SUGCT: variants seen among roughly 807,000 people sequenced by gnomAD.
SUGCT encodes succinyl-CoA:glutarate-CoA transferase.
A neutral mutation model predicts 55.0 loss-of-function variants in SUGCT; 41 were observed. The ratio of observed to expected loss-of-function variants is 0.74; its 90% CI spans 0.58 to 0.97. The LOEUF is 0.97. SUGCT is among the 50% of genes least tolerant of loss of function. The probability of loss-of-function intolerance (pLI) is 0.00; values close to 1 mark genes in which losing one functional copy is unlikely to be tolerated. For missense variants in SUGCT, 568 were observed against 547.8 expected (o/e 1.04, Z -0.37); for synonymous variants, 187 against 200.4 (o/e 0.93, Z 0.56).
At chr7:40,626,204 A>C (rs1011209662) in intron 12 of SUGCT, among the ~76,000 whole-genome samples, 3 of 148,118 alleles carry the variant, frequency 2.0e-5, no homozygotes, top group African/African-American at 7.5e-5. Flanking sequence ...CTTCCCCCAG[A>C]CTCTGTGTTA....
At chr7:40,975,012 A>T in the SUGCT span, among the ~76,000 whole-genome samples, 11 of 152,332 alleles carry the variant, frequency 7.2e-5, no homozygotes, top group African/African-American at 2.6e-4. Context: ...CTGGCGCAGT[A>T]GGTGGTCAAT....
intron 9 of SUGCT, among the ~76,000 whole-genome samples, chr7:40,361,453 A>T (rs186016307): frequency 5.7e-4 from 87 of 152,204 alleles, no homozygotes; most frequent in African/African-American, 1.5e-3. Flanking sequence ...GGGCACCTGT[A>T]GTCCCAGCTA....
the SUGCT span, among the ~76,000 whole-genome samples, chr7:40,917,205 A>C: frequency 6.6e-6 from 1 of 152,220 alleles, no homozygotes; most frequent in Admixed American, 6.5e-5. Flanking sequence ...AACTCTAGTA[A>C]ACTTTTTTTG....
intron 8 of SUGCT, among the ~76,000 whole-genome samples, chr7:40,288,300 A>G (rs1245697839): frequency 3.3e-5 from 5 of 152,086 alleles, no homozygotes; most frequent in Non-Finnish European, 7.4e-5. Flanking sequence ...CTTAAAAAAA[A>G]AAGAAAACAA....
chr7:40,404,530 T>G lies in SUGCT; in HGVS notation c.817-44757T>G, dbSNP rs368522538. On this transcript the variant is annotated intron_variant, in intron 9 of 13. Coordinates refer to ENST00000335693, the MANE Select transcript of SUGCT (RefSeq NM_001193313.2). ...TCGGCTAACTGCAACCTCTGCCTCCTGGGTTAAGCGATTCTCCTGCCTCAG... is the reference window on the plus strand; with the variant it reads ...TCGGCTAACTGCAACCTCTGCCTCCGGGGTTAAGCGATTCTCCTGCCTCAG... 2.0e-3 allele frequency among the ~76,000 whole-genome samples: 304 copies of G among 152,048 alleles called. 12 individuals are homozygous for G. In the South Asian group the frequency reaches 0.059, roughly 29 times the overall value.
intron 7 of SUGCT, among the ~76,000 whole-genome samples, chr7:40,242,933 A>ATATATATATATATATATGTATATTTTTT (rs1270335224): frequency 5.8e-5 from 1 of 17,204 alleles, no homozygotes; most frequent in African/African-American, 1.5e-4. Context: ...ATATATATAT[A>ATATATATATATATATATGTATATTTTTT]TTTTTTTTTT....
intron 9 of SUGCT, among the ~76,000 whole-genome samples, chr7:40,346,904 G>A (rs762094061): frequency 1.6e-4 from 24 of 152,188 alleles, no homozygotes; most frequent in Non-Finnish European, 1.8e-4. Flanking sequence ...CAGCTGGAAC[G>A]CGATTCTCGG....
intron 2 of SUGCT, among the ~76,000 whole-genome samples, 164 bp from the exon 3 acceptor site, chr7:40,181,791 A>T (rs1240937433): frequency 6.6e-6 from 1 of 151,996 alleles, no homozygotes; most frequent in Non-Finnish European, 1.5e-5. Flanking sequence ...AAGGGGATAT[A>T]TATTTTTAAA....
chr7:40,295,313 C>G lies in SUGCT; in HGVS notation c.720+20657C>G, dbSNP rs533050078. ...CTCACAGGGTAGGTGTGGTGGCTCA[C>G]GCCTGTAATCACAACACTTTGGGAG... On this transcript the variant is annotated intron_variant, in intron 8 of 13. Coordinates refer to ENST00000335693, the MANE Select transcript of SUGCT (RefSeq NM_001193313.2). Among the ~76,000 whole-genome samples the G allele has an allele frequency of 2.6e-5, 4 of 152,094 alleles. No homozygotes were observed. In the South Asian group the frequency reaches 8.3e-4, roughly 31 times the overall value.
At chr7:40,502,304 T>A (rs1002723235) in intron 12 of SUGCT, among the ~76,000 whole-genome samples, 6 of 152,042 alleles carry the variant, frequency 3.9e-5, no homozygotes, top group East Asian at 1.9e-4. Context: ...TGTTTTAATG[T>A]GTAAAAAATT....
chr7:40,473,949 CT>C (rs1304509593), intron 11 of SUGCT, among the ~76,000 whole-genome samples: 4 of 151,998 alleles, frequency 2.6e-5, no homozygotes, highest in African/African-American at 9.7e-5. Flanking sequence ...CTCCCCCATT[CT>C]TTTACCATTT....
intron 9 of SUGCT, among the ~76,000 whole-genome samples, chr7:40,361,626 A>G (rs1005135514): frequency 5.9e-5 from 9 of 152,098 alleles, no homozygotes; most frequent in Admixed American, 3.3e-4. Context: ...AGTGATTTAA[A>G]TTTCAACAAA....
chr7:40,485,389 T>G (rs1475857274), intron 11 of SUGCT, among the ~76,000 whole-genome samples: 2 of 150,116 alleles, frequency 1.3e-5, no homozygotes, highest in African/African-American at 4.9e-5. Flanking sequence ...ATCTAGATAA[T>G]ATAGGTATAT....
At chr7:40,403,560 A>G (rs1168620225) in intron 9 of SUGCT, among the ~76,000 whole-genome samples, 4 of 152,190 alleles carry the variant, frequency 2.6e-5, no homozygotes, top group Admixed American at 2.0e-4. Flanking sequence ...AAAAAGAGAA[A>G]AGTTACAACA....
At chr7:40,224,250 A>G (rs1788197857) in intron 6 of SUGCT, among the ~76,000 whole-genome samples, 1 of 152,202 alleles carries the variant, frequency 6.6e-6, no homozygotes, top group African/African-American at 2.4e-5. Context: ...AATTGCTGAC[A>G]TAGTTTCTTT....
chr7:40,629,794 G>A (rs1799703190), intron 12 of SUGCT, among the ~76,000 whole-genome samples: 1 of 152,074 alleles, frequency 6.6e-6, no homozygotes. Flanking sequence ...TTTGCATATG[G>A]ATAAATTTTA....
intron 12 of SUGCT, among the ~76,000 whole-genome samples, chr7:40,689,827 G>A (rs1784614341): frequency 6.6e-6 from 1 of 152,118 alleles, no homozygotes; most frequent in South Asian, 2.1e-4. Context: ...ATAAGGATTA[G>A]CTGTGCATAT....
intron 9 of SUGCT, among the ~76,000 whole-genome samples, chr7:40,414,562 G>C (rs916014496): frequency 3.3e-5 from 5 of 151,936 alleles, no homozygotes; most frequent in African/African-American, 1.2e-4. Flanking sequence ...AAGTGCCCCT[G>C]CCCTACATCT....
chr7:40,698,649 G>T (rs13235729), intron 12 of SUGCT, among the ~76,000 whole-genome samples: 1 of 152,168 alleles, frequency 6.6e-6, no homozygotes, highest in Non-Finnish European at 1.5e-5. Context: ...TTCAAAGTCA[G>T]CCTTGTCTAA....
Sources: allele counts gnomAD v4.1 joint callset (sites outside exome capture counted in the v4.1 genomes callset), GRCh38; gene constraint gnomAD v4.1.1; transcripts MANE v1.5; gene names NCBI Gene and HGNC (gene_info 2026-07-23, HGNC 2026-07-21).